Variants in LOC128092252 observed in about 807,000 individuals in gnomAD.
chr15:50,665,393 TAAA>T, the LOC128092252 span, among the ~76,000 whole-genome samples: 6 of 135,732 alleles, frequency 4.4e-5, no homozygotes, highest in Non-Finnish European at 3.2e-5. Flanking sequence ...AAACTCTGTC[TAAA>T]AAAAAAAAAA....
the LOC128092252 span, among the ~76,000 whole-genome samples, chr15:50,677,380 C>G: frequency 6.6e-6 from 1 of 151,852 alleles, no homozygotes; most frequent in African/African-American, 2.4e-5. Context: ...TCTCGGGGAG[C>G]GAGGGAGATC....
At chr15:50,651,920 T>C in the LOC128092252 span, among the ~76,000 whole-genome samples, 1 of 151,776 alleles carries the variant, frequency 6.6e-6, no homozygotes, top group Non-Finnish European at 1.5e-5. Context: ...AATAAAATAA[T>C]AATTTTCTAA....
the LOC128092252 span, among the ~76,000 whole-genome samples, chr15:50,650,523 T>C: frequency 6.6e-6 from 1 of 151,920 alleles, no homozygotes; most frequent in South Asian, 2.1e-4. Context: ...GGTGAAACTC[T>C]GTCTCTCCTA....
the LOC128092252 span, among the ~76,000 whole-genome samples, chr15:50,650,737 C>A: frequency 1.1e-4 from 16 of 152,088 alleles, no homozygotes; most frequent in East Asian, 3.1e-3. Flanking sequence ...CTAGACAGCC[C>A]ATGCCCTGAC....
the LOC128092252 span, among the ~76,000 whole-genome samples, chr15:50,670,498 T>G: frequency 6.6e-6 from 1 of 152,138 alleles, no homozygotes; most frequent in Non-Finnish European, 1.5e-5. Flanking sequence ...CATTATATGC[T>G]AATTATAATG....
the LOC128092252 span, among the ~76,000 whole-genome samples, chr15:50,654,961 A>T: frequency 6.9e-6 from 1 of 145,732 alleles, no homozygotes; most frequent in Non-Finnish European, 1.5e-5. Context: ...AGACTGCGCC[A>T]CTGCACTCCA....
chr15:50,681,486 T>C, the LOC128092252 span, among the ~76,000 whole-genome samples: 3 of 152,322 alleles, frequency 2.0e-5, no homozygotes, highest in African/African-American at 7.2e-5. Context: ...TCTAATTATG[T>C]TTCTCCAGTG....
At chr15:50,683,141 G>A in the LOC128092252 span, among the ~76,000 whole-genome samples, 1 of 151,308 alleles carries the variant, frequency 6.6e-6, no homozygotes, top group African/African-American at 2.4e-5. Context: ...ACCCGCCTCA[G>A]TCTCTCAAAG....
At chr15:50,657,048 G>A in the LOC128092252 span, among the ~76,000 whole-genome samples, 1 of 152,160 alleles carries the variant, frequency 6.6e-6, no homozygotes, top group East Asian at 1.9e-4. Context: ...AATCAGCCGG[G>A]CCTGGTGGCT....
the LOC128092252 span, among the ~76,000 whole-genome samples, chr15:50,673,559 A>G: frequency 4.6e-5 from 7 of 152,108 alleles, no homozygotes; most frequent in Non-Finnish European, 1.0e-4. Flanking sequence ...CTTAGAATTA[A>G]GAGTCTCCAA....
chr15:50,670,628 C>T, the LOC128092252 span, among the ~76,000 whole-genome samples: 112 of 152,140 alleles, frequency 7.4e-4, no homozygotes, highest in African/African-American at 2.6e-3. Context: ...CTGGGAACTG[C>T]CCACCACTTT....
At chr15:50,677,894 G>A in the LOC128092252 span, among the ~76,000 whole-genome samples, 4 of 151,770 alleles carry the variant, frequency 2.6e-5, no homozygotes, top group African/African-American at 9.7e-5. Context: ...AAAAGAAATT[G>A]CCTACTAATA....
chr15:50,667,112 G>A, the LOC128092252 span, among the ~76,000 whole-genome samples: 3 of 152,106 alleles, frequency 2.0e-5, no homozygotes, highest in African/African-American at 4.8e-5. Flanking sequence ...GAAATAGACT[G>A]CAGCATTGAT....
At chr15:50,676,144 A>G in the LOC128092252 span, among the ~76,000 whole-genome samples, 2 of 152,204 alleles carry the variant, frequency 1.3e-5, no homozygotes, top group Non-Finnish European at 2.9e-5. Flanking sequence ...TCTACCAGCA[A>G]TAAGGGACAT....
chr15:50,658,851 G>A, the LOC128092252 span, among the ~76,000 whole-genome samples: 1 of 152,174 alleles, frequency 6.6e-6, no homozygotes, highest in Non-Finnish European at 1.5e-5. Flanking sequence ...TTCAATAAGA[G>A]ATTACTAAAA....
the LOC128092252 span, among the ~76,000 whole-genome samples, chr15:50,650,449 C>A: frequency 5.9e-5 from 9 of 151,938 alleles, no homozygotes; most frequent in African/African-American, 2.2e-4. Context: ...AATCCCAGCA[C>A]CTTGGGAAGC....
chr15:50,684,708 C>T, the LOC128092252 span, among the ~76,000 whole-genome samples: 1 of 152,088 alleles, frequency 6.6e-6, no homozygotes, highest in Non-Finnish European at 1.5e-5. Context: ...TACAGGGATG[C>T]ATTCAACAAA....
At chr15:50,668,650 G>C in the LOC128092252 span, among the ~76,000 whole-genome samples, 6 of 152,286 alleles carry the variant, frequency 3.9e-5, no homozygotes, top group African/African-American at 9.6e-5. Flanking sequence ...TGGGATTACA[G>C]ATGCCCGCCA....
At chr15:50,655,835 C>T in the LOC128092252 span, among the ~76,000 whole-genome samples, 4 of 151,618 alleles carry the variant, frequency 2.6e-5, no homozygotes, top group East Asian at 1.9e-4. Context: ...ACTAAAAGTA[C>T]GAAAATTAGC....
Sources: gnomAD v4.1 joint callset for allele counts (sites outside exome capture counted in the v4.1 genomes callset) on GRCh38, gnomAD v4.1.1 for gene constraint, MANE v1.5 for transcripts.